The following PFDN1 variants were observed in gnomAD, a reference collection of about 807,000 sequenced individuals.
The protein encoded by PFDN1 is prefoldin subunit 1.
A neutral mutation model predicts 17.3 loss-of-function variants in PFDN1; 6 were observed. The observed-to-expected ratio is 0.35, with a 90% CI of 0.19 to 0.69. The LOEUF (loss-of-function observed/expected upper bound fraction) is 0.69. Among genes scored for constraint, PFDN1 ranks in the 30% least tolerant of loss-of-function variants. PFDN1 has a pLI of 0.65. For missense variants in PFDN1, 113 were observed against 146.2 expected, an observed-to-expected ratio of 0.77 and a Z score of 1.17; for synonymous variants, 58 against 50.1, an observed-to-expected ratio of 1.16 and a Z score of -0.67.
At chr5:140,281,656 A>G (rs560460770) in intron 2 of PFDN1, 123 bp from the exon 3 acceptor site, 6 of 646,910 alleles carry the variant, frequency 9.3e-6, no homozygotes, top group African/African-American at 5.5e-5. Context: ...TTAACATAAT[A>G]CGTCAAGCTC....
intron 3 of PFDN1, among the ~76,000 whole-genome samples, chr5:140,279,225 T>C (rs922064015): frequency 6.6e-6 from 1 of 152,180 alleles, no homozygotes; most frequent in African/African-American, 2.4e-5. Flanking sequence ...GTACCGAGGG[T>C]GGAAAAACAA....
chr5:140,258,238 T>A (rs1765015313), intron 3 of PFDN1, among the ~76,000 whole-genome samples: 2 of 152,078 alleles, frequency 1.3e-5, no homozygotes, highest in South Asian at 4.2e-4. Flanking sequence ...ACAGAATGAA[T>A]GAGAACAGAG....
Position 140,281,445 on chromosome 5 carries a change from T to G in PFDN1, c.285+4A>C. 7.3e-7 allele frequency: 1 copy of G among 1,372,938 alleles called. No homozygotes were observed. The highest frequency in any genetic ancestry group is 1.0e-6 in the Non-Finnish European group (1 of 962,370). 85.0% of individuals were successfully genotyped at this position (1,372,938 alleles called of 1,614,324 possible). A position where few individuals can be genotyped will look rare whatever the true frequency, so the allele number is the denominator to read the frequency against. On this transcript the variant is annotated splice_donor_region_variant and intron_variant, in intron 3 of 3. Transcript: ENST00000261813. The stretch of plus-strand genomic sequence containing the variant: ...GTTAACTCCTATTGCCAATAAAAAC[T>G]TACTTCTAGTTCTTTAATTTTTTCT...
intron 2 of PFDN1, among the ~76,000 whole-genome samples, chr5:140,286,685 A>G (rs1223142616): frequency 7.3e-6 from 1 of 137,474 alleles, no homozygotes; most frequent in Non-Finnish European, 1.5e-5. Flanking sequence ...AGCTCACTGC[A>G]AACTACGCCT....
intron 2 of PFDN1, among the ~76,000 whole-genome samples, chr5:140,294,435 T>C (rs957283380): frequency 6.6e-6 from 1 of 151,994 alleles, no homozygotes; most frequent in Admixed American, 6.6e-5. Context: ...CTACATGAAA[T>C]TGTAAAAGGG....
At chr5:140,263,013 C>T (rs1305417060) in intron 3 of PFDN1, among the ~76,000 whole-genome samples, 1 of 152,210 alleles carries the variant, frequency 6.6e-6, no homozygotes, top group Non-Finnish European at 1.5e-5. Context: ...TAAGTATTTA[C>T]TGTGTCAGGC....
At chr5:140,268,337 A>G (rs532555707) in intron 3 of PFDN1, among the ~76,000 whole-genome samples, 20 of 152,358 alleles carry the variant, frequency 1.3e-4, no homozygotes, top group Admixed American at 6.5e-4. Flanking sequence ...ATTAAAATAA[A>G]TAAGATACAA....
chr5:140,291,200 G>A (rs1765575742), intron 2 of PFDN1, among the ~76,000 whole-genome samples: 2 of 152,302 alleles, frequency 1.3e-5, no homozygotes, highest in South Asian at 4.1e-4. Flanking sequence ...GTTTAAAACA[G>A]ACTATAAAGG....
intron 2 of PFDN1, chr5:140,281,775 G>C (rs549641440): frequency 3.4e-4 from 129 of 384,940 alleles, no homozygotes; most frequent in Non-Finnish European, 5.4e-4. Context: ...CAGTGGTGTG[G>C]GCCTACAGTC....
At chr5:140,291,537 G>C (rs2126699085) in intron 2 of PFDN1, among the ~76,000 whole-genome samples, 2 of 152,222 alleles carry the variant, frequency 1.3e-5, no homozygotes, top group African/African-American at 4.8e-5. Flanking sequence ...AAAGTAGGCA[G>C]CTGAATATAC....
chr5:140,300,599 C>T lies in PFDN1; in HGVS notation c.34-17G>A. The T allele has an allele frequency of 6.4e-7, 1 of 1,560,864 alleles. No homozygotes were observed. Among genetic ancestry groups the T allele is most frequent in the African/African-American group, 1.4e-5 (1 of 73,100 alleles). On this transcript the variant is annotated splice_polypyrimidine_tract_variant and intron_variant, in intron 1 of 3. Transcript: ENST00000261813. ...TGTGAAGGCCTAATAAAAACAAGTC[C>T]ATGATTTAGTAGGTAAAACATTTTA...
chr5:140,247,290 A>ATT (rs754490930), intron 3 of PFDN1, among the ~76,000 whole-genome samples: 6 of 142,218 alleles, frequency 4.2e-5, no homozygotes, highest in African/African-American at 5.2e-5. Flanking sequence ...TGCCCGGCTA[A>ATT]TTTTTTTTTT....
intron 3 of PFDN1, among the ~76,000 whole-genome samples, chr5:140,247,831 G>A (rs914593148): frequency 8.5e-5 from 13 of 152,048 alleles, no homozygotes; most frequent in African/African-American, 2.9e-4. Flanking sequence ...CTTAGGGGCT[G>A]AGGCAGGAGA....
intron 2 of PFDN1, among the ~76,000 whole-genome samples, chr5:140,292,314 G>A (rs1234476887): frequency 6.6e-6 from 1 of 152,164 alleles, no homozygotes; most frequent in African/African-American, 2.4e-5. Context: ...AAGACAGACA[G>A]AGAGCAGAGT....
intron 3 of PFDN1, 128 bp from the exon 4 acceptor site, chr5:140,246,185 C>T: frequency 1.5e-6 from 1 of 672,976 alleles, no homozygotes; most frequent in Non-Finnish European, 2.7e-6. Context: ...ATACTGCAAG[C>T]CAGGTACACA....
chr5:140,271,086 T>C (rs1321711793), intron 3 of PFDN1, among the ~76,000 whole-genome samples: 1 of 152,114 alleles, frequency 6.6e-6, no homozygotes, highest in East Asian at 1.9e-4. Flanking sequence ...ATTGACAATA[T>C]TAATAAGAAA....
At chr5:140,296,910 A>C (rs1242523732) in intron 2 of PFDN1, among the ~76,000 whole-genome samples, 6 of 152,248 alleles carry the variant, frequency 3.9e-5, no homozygotes, top group African/African-American at 1.4e-4. Flanking sequence ...GGGTAAATTA[A>C]GAACAGATTA....
chr5:140,288,376 C>T lies in PFDN1; in HGVS notation c.201-6843G>A, dbSNP rs144170093. Among the ~76,000 whole-genome samples the T allele has an allele frequency of 6.5e-3, 982 of 151,990 alleles. 7 individuals are homozygous for T. Among genetic ancestry groups the T allele is most frequent in the African/African-American group, 0.022 (913 of 41,434 alleles). ...GAAAACGCAAAACTATATATAGAAA[C>T]AGTAAAAAGGTCAGTGGTCACCAGG... On this transcript the variant is annotated intron_variant, in intron 2 of 3. Transcript: ENST00000261813.
chr5:140,258,916 G>A (rs543007299), intron 3 of PFDN1, among the ~76,000 whole-genome samples: 3 of 152,304 alleles, frequency 2.0e-5, no homozygotes, highest in Admixed American at 1.3e-4. Flanking sequence ...CATAGACGTG[G>A]TACTTGAAGT....
Sources: allele counts gnomAD v4.1 joint callset (sites outside exome capture counted in the v4.1 genomes callset), GRCh38; gene constraint gnomAD v4.1.1; transcripts MANE v1.5; gene names NCBI Gene and HGNC (gene_info 2026-07-23, HGNC 2026-07-21).